The following NWD1 variants were observed in gnomAD, a reference collection of about 807,000 sequenced individuals.
NWD1 encodes the protein NACHT domain- and WD repeat-containing protein 1.
NWD1 carries 129 observed loss-of-function variants against 135.1 expected under a neutral mutation model. That is an observed-to-expected ratio of 0.96 (90% confidence interval 0.83 to 1.11). The LOEUF (loss-of-function observed/expected upper bound fraction) is 1.11, where lower values mean the gene tolerates loss of function less well. NWD1 is among the 50% of genes least tolerant of loss of function. NWD1 has a pLI of 0.00. For missense variants in NWD1, 1,740 were observed against 1,851.3 expected, an observed-to-expected ratio of 0.94 and a Z score of 1.10; for synonymous variants, 773 against 786.0, an observed-to-expected ratio of 0.98 and a Z score of 0.28.
In NWD1 at chr19:16,807,833, C is replaced by G. The variant is rs372571278; in HGVS notation, c.3984C>G (p.Thr1328=). The part of the protein sequence containing the change: ...YDNIVLVLDI[T]SGDPCPVIDG... ...ACATCGTCCTGGTGCTGGACATCAC[C>G]TCCGGGGACCCCTGCCCGGTCATCG... The change falls in exon 18 of 19, where the codon ACC becomes ACG. Residue 1328 remains threonine, a synonymous_variant. Transcript: ENST00000524140. 1 of 1,614,168 alleles carries G rather than the reference C, an allele frequency of 6.2e-7. No homozygotes were observed. The highest frequency in any genetic ancestry group is 1.7e-5 in the Admixed American group (1 of 60,006).
rs200735264 is a variant in NWD1, at chr19:16,750,057, C to T, written c.1415C>T (p.Ala472Val). 9.7e-4 allele frequency: 1,565 copies of T among 1,613,950 alleles called. 22 individuals carry two copies. The South Asian group carries it at 0.01, about 11-fold the overall frequency. Reference sequence around the variant, plus strand: ...CTCATCCTCTCAGCTTGCTCGGGGGCACTGGGGGTTTTGGACACCTTGCAG... The same window carrying T: ...CTCATCCTCTCAGCTTGCTCGGGGGTACTGGGGGTTTTGGACACCTTGCAG... ...VHLILSACSG[A>V]LGVLDTLQRV... is the part of the protein sequence containing the mutation. Residue 472 changes from alanine to valine, a missense_variant, in exon 6 of 19, where the codon GCA becomes GTA. Ala to Val is a moderately conservative substitution (Grantham distance 64). Transcript: ENST00000524140.
intron 12 of NWD1, among the ~76,000 whole-genome samples, chr19:16,787,904 AATC>A (rs149004219): frequency 0.076 from 9,111 of 120,462 alleles, 397 homozygotes; most frequent in East Asian, 0.15. Flanking sequence ...TAATAATAAT[AATC>A]ATCATCATCA....
intron 6 of NWD1, among the ~76,000 whole-genome samples, chr19:16,750,828 C>A (rs969801856): frequency 6.6e-6 from 1 of 152,050 alleles, no homozygotes; most frequent in Non-Finnish European, 1.5e-5. Flanking sequence ...TGTTTGTCAA[C>A]TATACCTCAA....
rs1195822026 is a variant in NWD1 at position 16,762,146 on chromosome 19, A to T, written c.2133+8A>T. On this transcript the variant is annotated splice_region_variant and intron_variant, in intron 8 of 18. Coordinates refer to ENST00000524140, the MANE Select transcript of NWD1 (RefSeq NM_001007525.5). Reference sequence around the variant, plus strand: ...CTGAACTTGGACCGAAAGGTGAGGTACCTGGGACCCCCATTCCCCACCTGC... The same window carrying T: ...CTGAACTTGGACCGAAAGGTGAGGTTCCTGGGACCCCCATTCCCCACCTGC... The T allele has an allele frequency of 3.7e-6, 6 of 1,609,766 alleles. No homozygotes were observed. Among genetic ancestry groups the T allele is most frequent in the Non-Finnish European group, 5.1e-6 (6 of 1,176,626 alleles).
intron 18 of NWD1, among the ~76,000 whole-genome samples, chr19:16,810,437 C>CAAAAAAAAAA (rs529841524): frequency 6.0e-5 from 4 of 66,246 alleles, no homozygotes; most frequent in East Asian, 5.7e-4. Flanking sequence ...GACTCCATCT[C>CAAAAAAAAAA]AAAAAAAAAA....
intron 7 of NWD1, among the ~76,000 whole-genome samples, chr19:16,760,618 T>C (rs1315690690): frequency 6.6e-6 from 1 of 151,732 alleles, no homozygotes; most frequent in East Asian, 1.9e-4. Flanking sequence ...TGAGACAGAG[T>C]CTTGCTCTGT....
intron 10 of NWD1, among the ~76,000 whole-genome samples, chr19:16,765,515 G>A (rs1021485554): frequency 3.9e-5 from 6 of 151,946 alleles, no homozygotes; most frequent in African/African-American, 9.7e-5. Context: ...TCTATTTTTC[G>A]TAGAGACAGG....
chr19:16,779,512 G>T, intron 12 of NWD1, 47 bp downstream of exon 12: 1 of 1,596,108 alleles, frequency 6.3e-7, no homozygotes, highest in South Asian at 1.1e-5. Flanking sequence ...ATAGTGAAAA[G>T]TTGGTTCTCA....
At chr19:16,744,976 A>C in intron 5 of NWD1, 1 of 639,138 alleles carries the variant, frequency 1.6e-6, no homozygotes. Context: ...GGTTCCTGGC[A>C]CAGGGGCCGT....
intron 12 of NWD1, among the ~76,000 whole-genome samples, chr19:16,780,482 A>G (rs1483380366): frequency 6.6e-6 from 1 of 152,116 alleles, no homozygotes; most frequent in Admixed American, 6.6e-5. Flanking sequence ...GAAAACAAGT[A>G]GGCACTCACA....
chr19:16,781,999 C>T (rs1969869928), intron 12 of NWD1, among the ~76,000 whole-genome samples: 1 of 149,534 alleles, frequency 6.7e-6, no homozygotes, highest in Non-Finnish European at 1.5e-5. Context: ...GAGGCTGAGG[C>T]AGGAGAATGG....
Position 16,789,068 on chromosome 19 carries a change from C to T in NWD1, c.2818C>T (p.Leu940Phe). Residue 940 changes from leucine to phenylalanine, a missense_variant, in exon 13 of 19, where the codon CTC (leucine) becomes TTC (phenylalanine). Coordinates refer to ENST00000524140, the MANE Select transcript of NWD1 (RefSeq NM_001007525.5). ...KDYTLHLWNL[L>F]SGQEKFTIWD... is the part of the protein sequence containing the mutation. Reference sequence around the variant, plus strand: ...TTACACGCTGCACTTGTGGAACTTACTCTCTGGCCAGGAGAAATTTACCAT... The same window carrying T: ...TTACACGCTGCACTTGTGGAACTTATTCTCTGGCCAGGAGAAATTTACCAT... The T allele has an allele frequency of 1.2e-6, 2 of 1,613,664 alleles. No individual in the cohort carries two copies. Among genetic ancestry groups the T allele is most frequent in the Non-Finnish European group, 1.7e-6 (2 of 1,179,812 alleles).
chr19:16,812,921 G>A (rs747448339), intron 18 of NWD1: 51 of 774,872 alleles, frequency 6.6e-5, no homozygotes, highest in Non-Finnish European at 1.1e-4. Context: ...CTGGGTCCTG[G>A]GCATTAGAGG....
At chr19:16,763,060 G>T (rs765674939) in intron 8 of NWD1, among the ~76,000 whole-genome samples, 1 of 151,900 alleles carries the variant, frequency 6.6e-6, no homozygotes, top group Non-Finnish European at 1.5e-5. Context: ...GATTACAGGC[G>T]TGTAATTACA....
intron 6 of NWD1, among the ~76,000 whole-genome samples, chr19:16,754,905 A>G (rs1968729470): frequency 6.6e-6 from 1 of 152,052 alleles, no homozygotes; most frequent in African/African-American, 2.4e-5. Context: ...ATATCTATCT[A>G]TCTATGTCTA....
chr19:16,771,145 A>G (rs1390859138), intron 10 of NWD1, among the ~76,000 whole-genome samples: 3 of 152,160 alleles, frequency 2.0e-5, no homozygotes, highest in Admixed American at 1.3e-4. Context: ...GTAAAAAAAA[A>G]TTAATTAGTT....
At chr19:16,748,833 A>T (rs1290732329) in intron 5 of NWD1, among the ~76,000 whole-genome samples, 2 of 149,104 alleles carry the variant, frequency 1.3e-5, no homozygotes, top group East Asian at 3.9e-4. Context: ...CAATAATAAT[A>T]ATAATAAGAA....
intron 10 of NWD1, among the ~76,000 whole-genome samples, chr19:16,769,653 G>A (rs114791192): frequency 6.6e-6 from 1 of 152,006 alleles, no homozygotes; most frequent in African/African-American, 2.4e-5. Context: ...CTTGCGTGCC[G>A]GGGGCCCTGG....
At chr19:16,781,038 C>T (rs1274040391) in intron 12 of NWD1, among the ~76,000 whole-genome samples, 1 of 152,134 alleles carries the variant, frequency 6.6e-6, no homozygotes, top group Non-Finnish European at 1.5e-5. Context: ...GAATTGTGGT[C>T]CTTTTTGCAT....
Sources: allele counts gnomAD v4.1 joint callset (sites outside exome capture counted in the v4.1 genomes callset), GRCh38; gene constraint gnomAD v4.1.1; transcripts MANE v1.5; gene names NCBI Gene and HGNC (gene_info 2026-07-23, HGNC 2026-07-21).